Variants in NRXN1 observed in about 807,000 individuals in gnomAD.
NRXN1 encodes neurexin-1.
A neutral mutation model predicts 150.9 loss-of-function variants in NRXN1; 39 were observed. The observed-to-expected ratio is 0.26, with a 90% CI of 0.20 to 0.34. NRXN1 has a LOEUF of 0.34. Ranked by LOEUF, NRXN1 falls within the 10% of genes least tolerant of loss-of-function variation. The probability of loss-of-function intolerance (pLI) is 1.00; values close to 1 mark genes in which losing one functional copy is unlikely to be tolerated. For missense variants in NRXN1, 1,815 were observed against 1,949.9 expected (o/e 0.93, Z 1.30); for synonymous variants, 924 against 757.0 (o/e 1.22, Z -3.62).
intron 5 of NRXN1, among the ~76,000 whole-genome samples, chr2:50,702,166 G>A (rs879906106): frequency 7.2e-5 from 11 of 152,024 alleles, no homozygotes; most frequent in Non-Finnish European, 1.2e-4. Flanking sequence ...GAAATTCACC[G>A]TGTCCATTAT....
At chr2:50,289,865 T>C (rs1165046554) in intron 17 of NRXN1, among the ~76,000 whole-genome samples, 1 of 152,188 alleles carries the variant, frequency 6.6e-6, no homozygotes, top group Non-Finnish European at 1.5e-5. Flanking sequence ...AGCTAACCTT[T>C]AGCAAATTCA....
At chr2:50,526,155 A>G (rs2092946267) in intron 12 of NRXN1, among the ~76,000 whole-genome samples, 1 of 151,974 alleles carries the variant, frequency 6.6e-6, no homozygotes, top group Admixed American at 6.6e-5. Flanking sequence ...CAGCAGCACA[A>G]TTTTAAGTAA....
At chr2:50,355,371 TCTA>T (rs1335002442) in intron 17 of NRXN1, among the ~76,000 whole-genome samples, 2 of 151,676 alleles carry the variant, frequency 1.3e-5, no homozygotes, top group Non-Finnish European at 2.9e-5. Flanking sequence ...GTATGACTAT[TCTA>T]CTATCAAGAC....
chr2:50,480,899 T>C (rs893744548), intron 15 of NRXN1, among the ~76,000 whole-genome samples: 1 of 152,114 alleles, frequency 6.6e-6, no homozygotes, highest in African/African-American at 2.4e-5. Context: ...TGTCAGGCAT[T>C]ACTATGGTCA....
intron 5 of NRXN1, among the ~76,000 whole-genome samples, chr2:50,844,827 G>A (rs1464360328): frequency 1.3e-5 from 2 of 151,712 alleles, no homozygotes; most frequent in Non-Finnish European, 2.9e-5. Context: ...CATATTCACT[G>A]CATAGTGTGG....
intron 17 of NRXN1, among the ~76,000 whole-genome samples, chr2:50,431,493 T>A (rs937786010): frequency 3.3e-5 from 5 of 152,258 alleles, no homozygotes; most frequent in African/African-American, 9.6e-5. Context: ...TTAAGCCTGC[T>A]GAATTTTTGT....
intron 21 of NRXN1, among the ~76,000 whole-genome samples, chr2:50,040,786 A>T (rs990380994): frequency 6.6e-6 from 1 of 152,232 alleles, no homozygotes; most frequent in Non-Finnish European, 1.5e-5. Context: ...AGTTTTAAAA[A>T]GGAAGGTATA....
In NRXN1 at chr2:50,220,674, G is replaced by A. The variant is rs115016254; in HGVS notation, c.3546+16115C>T. On this transcript the variant is annotated intron_variant, in intron 18 of 22. Coordinates refer to ENST00000401669, the MANE Select transcript of NRXN1 (RefSeq NM_001330078.2). Reference sequence around the variant, plus strand: ...TCAAATATCCCATTATCAGTTCCACGTCTTTTTGTGAATACCAAAATATAT... The same window carrying A: ...TCAAATATCCCATTATCAGTTCCACATCTTTTTGTGAATACCAAAATATAT... Among the ~76,000 whole-genome samples the A allele has an allele frequency of 3.2e-3, 481 of 152,010 alleles. 1 individual carries two copies. Among genetic ancestry groups the A allele is most frequent in the African/African-American group, 0.011 (441 of 41,478 alleles).
At chr2:50,379,716 G>A (rs1279173354) in intron 17 of NRXN1, among the ~76,000 whole-genome samples, 1 of 151,900 alleles carries the variant, frequency 6.6e-6, no homozygotes, top group Non-Finnish European at 1.5e-5. Flanking sequence ...AAAATAGAAG[G>A]GTGTAAAAAA....
chr2:50,115,814 A>AGGCAAC (rs1346646403), intron 18 of NRXN1, among the ~76,000 whole-genome samples: 6 of 152,084 alleles, frequency 3.9e-5, no homozygotes, highest in Non-Finnish European at 7.4e-5. Flanking sequence ...ATGTGAACAG[A>AGGCAAC]GGCAACAGTC....
intron 8 of NRXN1, among the ~76,000 whole-genome samples, chr2:50,585,500 C>A (rs751809672): frequency 5.3e-5 from 8 of 151,908 alleles, no homozygotes; most frequent in Non-Finnish European, 8.8e-5. Context: ...AAAAAATGGT[C>A]AAGATAGTAA....
intron 8 of NRXN1, among the ~76,000 whole-genome samples, chr2:50,554,694 T>C (rs893146242): frequency 6.6e-6 from 1 of 152,152 alleles, no homozygotes; most frequent in Admixed American, 6.6e-5. Context: ...AATTTATCCA[T>C]AGGAAAACAT....
At chr2:50,248,305 T>A (rs2066701082) in intron 17 of NRXN1, among the ~76,000 whole-genome samples, 1 of 152,174 alleles carries the variant, frequency 6.6e-6, no homozygotes, top group South Asian at 2.1e-4. Context: ...TGAGCTATAG[T>A]GTACAATTTA....
chr2:50,143,825 C>G (rs1707618964), intron 18 of NRXN1, among the ~76,000 whole-genome samples: 1 of 151,812 alleles, frequency 6.6e-6, no homozygotes, highest in African/African-American at 2.4e-5. Context: ...AGCGTAATTG[C>G]TCAGTGATTT....
chr2:50,658,181 A>G (rs1312083266), intron 5 of NRXN1, among the ~76,000 whole-genome samples: 3 of 151,930 alleles, frequency 2.0e-5, no homozygotes, highest in Non-Finnish European at 2.9e-5. Context: ...TAAAACCCCT[A>G]CATTTGCATA....
At chr2:50,375,056 T>A (rs137911093) in intron 17 of NRXN1, among the ~76,000 whole-genome samples, 228 of 152,284 alleles carry the variant, frequency 1.5e-3, no homozygotes, top group African/African-American at 5.1e-3. Flanking sequence ...TTTGTGGGCA[T>A]AAAAATTTGT....
rs563131498 is a variant in NRXN1, at chr2:50,528,438, G to A, written c.2374+187C>T. Among the ~76,000 whole-genome samples, 17 of 152,152 alleles carry A rather than the reference G, an allele frequency of 1.1e-4. 1 individual carries two copies. The South Asian group carries it at 3.5e-3, about 32-fold the overall frequency. On this transcript the variant is annotated intron_variant, in intron 12 of 22. Transcript: ENST00000401669. ...TCCATATAGAGGTAGGAACTGCAGT[G>A]GGAAAGTCTTCAGCTGTACAAATTT...
intron 5 of NRXN1, among the ~76,000 whole-genome samples, chr2:50,658,583 C>T (rs1179163085): frequency 6.6e-6 from 1 of 151,936 alleles, no homozygotes; most frequent in Non-Finnish European, 1.5e-5. Flanking sequence ...CAAAAACAGA[C>T]TCTTTGGCCG....
chr2:50,983,408 A>G (rs1697158620), intron 2 of NRXN1, among the ~76,000 whole-genome samples: 1 of 152,146 alleles, frequency 6.6e-6, no homozygotes, highest in Non-Finnish European at 1.5e-5. Context: ...AATGGACACC[A>G]GAATCAATAT....
Sources: allele counts gnomAD v4.1 joint callset (sites outside exome capture counted in the v4.1 genomes callset), GRCh38; gene constraint gnomAD v4.1.1; transcripts MANE v1.5; gene names NCBI Gene and HGNC (gene_info 2026-07-23, HGNC 2026-07-21).